PIP5K1B: variants seen among roughly 807,000 people sequenced by gnomAD.
PIP5K1B encodes phosphatidylinositol-4-phosphate 5-kinase type 1 beta, also known as phosphatidylinositol 4-phosphate 5-kinase type-1 beta.
PIP5K1B carries 42 observed loss-of-function variants against 67.0 expected under a neutral mutation model. The observed-to-expected ratio is 0.63, with a 90% CI of 0.49 to 0.81. The LOEUF (loss-of-function observed/expected upper bound fraction) is 0.81. Ranked by LOEUF, PIP5K1B falls within the 30% of genes least tolerant of loss-of-function variation. The pLI, the probability that PIP5K1B is intolerant of heterozygous loss-of-function variation, is 0.00. For missense variants in PIP5K1B, 459 were observed against 646.3 expected (o/e 0.71, Z 3.14); for synonymous variants, 214 against 231.4 (o/e 0.92, Z 0.68).
At chr9:69,004,729 G>C (rs1484663843) in intron 15 of PIP5K1B, among the ~76,000 whole-genome samples, 1 of 152,140 alleles carries the variant, frequency 6.6e-6, no homozygotes, top group Non-Finnish European at 1.5e-5. Flanking sequence ...TTTCCTTCCA[G>C]GGTAGAGAAC....
chr9:68,782,063 G>T (rs1831320928), intron 2 of PIP5K1B: 1 of 167,042 alleles, frequency 6.0e-6, no homozygotes, highest in Non-Finnish European at 1.5e-5. Flanking sequence ...TCACCTTACT[G>T]GTTTTCCCTT....
In PIP5K1B at chr9:68,894,467, T is replaced by C; in HGVS notation, c.600T>C (p.Phe200=). 1 of 1,614,174 alleles carries C rather than the reference T, an allele frequency of 6.2e-7. No individual in the cohort carries two copies. Among genetic ancestry groups the C allele is most frequent in the Non-Finnish European group, 8.5e-7 (1 of 1,180,008 alleles). The part of the protein sequence containing the change: ...NVLPRSMRMH[F]TYDLKGSTYK... ...TGCCACGCTCCATGAGAATGCACTTTACATATGACTTGAAAGGCTCAACGT... is the reference window on the plus strand; with the variant it reads ...TGCCACGCTCCATGAGAATGCACTTCACATATGACTTGAAAGGCTCAACGT... Residue 200 remains phenylalanine (F), a synonymous_variant, in exon 8 of 16, where the codon TTT becomes TTC. Transcript: ENST00000265382.
chr9:68,988,729 G>A (rs1469441236), intron 14 of PIP5K1B, among the ~76,000 whole-genome samples: 2 of 151,948 alleles, frequency 1.3e-5, no homozygotes, highest in East Asian at 3.9e-4. Flanking sequence ...GGGATTATAG[G>A]CGTGAGCCAC....
chr9:68,895,477 G>C (rs536536787), intron 8 of PIP5K1B, among the ~76,000 whole-genome samples: 3 of 152,152 alleles, frequency 2.0e-5, no homozygotes, highest in Non-Finnish European at 4.4e-5. Flanking sequence ...ACTTTCCATG[G>C]GCCTGGACGG....
intron 8 of PIP5K1B, among the ~76,000 whole-genome samples, chr9:68,899,019 G>C (rs566283711): frequency 5.3e-5 from 8 of 152,176 alleles, no homozygotes; most frequent in Non-Finnish European, 8.8e-5. Context: ...TATCCTTCCT[G>C]ATCTGGTCCC....
intron 9 of PIP5K1B, among the ~76,000 whole-genome samples, chr9:68,918,170 A>G (rs753821304): frequency 2.6e-5 from 4 of 151,290 alleles, no homozygotes; most frequent in Non-Finnish European, 5.9e-5. Context: ...GTTCACTGCA[A>G]CCTCCACCTC....
At chr9:68,858,143 T>G (rs1272187281) in intron 4 of PIP5K1B, among the ~76,000 whole-genome samples, 1 of 152,070 alleles carries the variant, frequency 6.6e-6, no homozygotes, top group Non-Finnish European at 1.5e-5. Flanking sequence ...CCGGCTAATT[T>G]TTGTATTTTT....
chr9:68,711,393 G>A (rs111670708), intron 1 of PIP5K1B, among the ~76,000 whole-genome samples: 3,570 of 152,374 alleles, frequency 0.023, 67 homozygotes, highest in Non-Finnish European at 0.037. Flanking sequence ...CCTTGAGGGA[G>A]TAGTAAGCAC....
intron 2 of PIP5K1B, chr9:68,782,100 T>G (rs1364450743): frequency 6.0e-6 from 1 of 167,066 alleles, no homozygotes; most frequent in Admixed American, 6.5e-5. Flanking sequence ...GCTGTTTCCT[T>G]GCCAACAGGT....
chr9:68,964,270 A>G (rs1400390526), intron 14 of PIP5K1B: 1 of 152,182 alleles, frequency 6.6e-6, no homozygotes, highest in East Asian at 1.9e-4. Context: ...ATACTATCAC[A>G]GTGGACTGAA....
intron 15 of PIP5K1B, among the ~76,000 whole-genome samples, chr9:68,992,052 G>A (rs549889599): frequency 2.0e-5 from 3 of 152,056 alleles, no homozygotes; most frequent in Non-Finnish European, 2.9e-5. Context: ...CGCAACCTCC[G>A]CCTCCCAGGT....
chr9:68,982,080 A>G (rs904358681), intron 14 of PIP5K1B, among the ~76,000 whole-genome samples: 1 of 152,188 alleles, frequency 6.6e-6, no homozygotes, highest in Non-Finnish European at 1.5e-5. Flanking sequence ...GAATCGAGAG[A>G]ATTGTGGCAA....
At chr9:68,851,776 T>G (rs1194469396) in intron 4 of PIP5K1B, among the ~76,000 whole-genome samples, 2 of 152,220 alleles carry the variant, frequency 1.3e-5, no homozygotes, top group African/African-American at 4.8e-5. Context: ...CAAGAGGATC[T>G]CTGGCTTGTG....
At chr9:68,878,921 C>T (rs944045580) in intron 6 of PIP5K1B, among the ~76,000 whole-genome samples, 1 of 152,038 alleles carries the variant, frequency 6.6e-6, no homozygotes. Context: ...GGAAGGGGCA[C>T]TGTAGAATCA....
At chr9:68,919,452 A>G (rs777018609) in intron 9 of PIP5K1B, 27 bp from the exon 10 acceptor site, 2 of 1,145,862 alleles carry the variant, frequency 1.7e-6, no homozygotes, top group Non-Finnish European at 2.6e-6. Flanking sequence ...ATGTAATCAA[A>G]TATTTTCTCT....
At chr9:68,739,730 T>G (rs1482518347) in intron 1 of PIP5K1B, 1 of 152,272 alleles carries the variant, frequency 6.6e-6, no homozygotes, top group Non-Finnish European at 1.5e-5. Flanking sequence ...AGTGCTCATT[T>G]CAGGCACTCT....
intron 2 of PIP5K1B, chr9:68,782,362 G>A (rs1322472405): frequency 6.0e-6 from 1 of 166,964 alleles, no homozygotes; most frequent in Non-Finnish European, 1.5e-5. Context: ...ATAGTCGAAT[G>A]TTCTTTTCTT....
chr9:68,911,943 G>A (rs1242041351), intron 8 of PIP5K1B, among the ~76,000 whole-genome samples: 1 of 152,076 alleles, frequency 6.6e-6, no homozygotes, highest in Non-Finnish European at 1.5e-5. Context: ...AATATATTGG[G>A]CTGCAGCTTA....
intron 14 of PIP5K1B, chr9:68,964,146 T>G (rs1828896289): frequency 6.6e-6 from 1 of 152,202 alleles, no homozygotes. Flanking sequence ...TCATTCTTCT[T>G]TAAGACTGCT....
Sources: gnomAD v4.1 joint callset for allele counts (sites outside exome capture counted in the v4.1 genomes callset) on GRCh38, gnomAD v4.1.1 for gene constraint, MANE v1.5 for transcripts, NCBI Gene and HGNC (gene_info 2026-07-23, HGNC 2026-07-21) for gene names.